CACNA2D2: variants seen among roughly 807,000 people sequenced by gnomAD.
CACNA2D2 encodes voltage-dependent calcium channel subunit alpha-2/delta-2.
A neutral mutation model predicts 166.4 loss-of-function variants in CACNA2D2; 48 were observed. That is an observed-to-expected ratio of 0.29 (90% CI 0.23 to 0.37). The LOEUF (loss-of-function observed/expected upper bound fraction) is 0.37, where lower values mean the gene tolerates loss of function less well. Ranked by LOEUF, CACNA2D2 falls within the 10% of genes least tolerant of loss-of-function variation. The pLI is 1.00. For synonymous variants in CACNA2D2, 561 were observed against 573.7 expected (o/e 0.98, Z 0.32); for missense variants, 1,122 against 1,433.0 (o/e 0.78, Z 3.50).
intron 21 of CACNA2D2, 58 bp from the exon 22 acceptor site, chr3:50,374,871 C>CT: frequency 7.2e-7 from 1 of 1,382,430 alleles, no homozygotes; most frequent in Non-Finnish European, 1.0e-6. Context: ...CTGGCACCCC[C>CT]TCCCCATGGC....
intron 1 of CACNA2D2, among the ~76,000 whole-genome samples, chr3:50,496,970 G>A (rs1051601229): frequency 1.3e-5 from 2 of 152,208 alleles, no homozygotes; most frequent in African/African-American, 2.4e-5. Context: ...TGTTGAATGA[G>A]GATCATTTCC....
In CACNA2D2 at chr3:50,375,859, CATCA is replaced by C. The variant is rs778151028; in HGVS notation, c.1791_1794del (p.Ile597MetfsTer21). The C allele has an allele frequency of 6.2e-7, 1 of 1,613,048 alleles. No homozygotes were observed. The highest frequency in any genetic ancestry group is 1.7e-5 in the Admixed American group (1 of 60,024). ...CTGATCTGCTTGTGGCCCTTGTTGC[CATCA>C]ATCATGCTCCGACGGATCTGGAAGG... is the stretch of plus-strand genomic sequence containing the variant. On this transcript the variant is annotated frameshift_variant, in exon 20 of 38. Transcript: ENST00000424201. LOFTEE classifies it high-confidence loss of function. The surrounding 1 kb of genome is among the most constrained non-coding windows in gnomAD (Gnocchi z 4.0).
intron 22 of CACNA2D2, among the ~76,000 whole-genome samples, chr3:50,374,395 G>A (rs1575595801): frequency 7.6e-6 from 1 of 131,612 alleles, no homozygotes; most frequent in Non-Finnish European, 1.7e-5. Flanking sequence ...GGTGGGGAGG[G>A]GAGGGGGAAG....
intron 22 of CACNA2D2, among the ~76,000 whole-genome samples, chr3:50,374,525 A>C (rs1271006724): frequency 6.6e-6 from 1 of 152,036 alleles, no homozygotes; most frequent in African/African-American, 2.4e-5. Flanking sequence ...AGAAACCATG[A>C]AAGAATGGTC....
chr3:50,468,627 T>C (rs1019651820), intron 2 of CACNA2D2, among the ~76,000 whole-genome samples: 1 of 151,968 alleles, frequency 6.6e-6, no homozygotes, highest in Non-Finnish European at 1.5e-5. Flanking sequence ...TTCCTTAAAC[T>C]GAGGGACAGA....
intron 13 of CACNA2D2, 37 bp downstream of exon 13, chr3:50,378,878 C>A: frequency 6.2e-7 from 1 of 1,611,180 alleles, no homozygotes; most frequent in African/African-American, 1.3e-5. Flanking sequence ...AAAGAAATGG[C>A]AGGCAGGCCC....
chr3:50,419,738 G>A (rs1165818545), intron 3 of CACNA2D2: 1 of 152,254 alleles, frequency 6.6e-6, no homozygotes, highest in Admixed American at 6.5e-5. Flanking sequence ...CCCATATCTG[G>A]CAGCGACACC....
At chr3:50,464,452 T>C (rs1293993160) in intron 2 of CACNA2D2, among the ~76,000 whole-genome samples, 11 of 152,144 alleles carry the variant, frequency 7.2e-5, no homozygotes, top group Non-Finnish European at 1.5e-5. Flanking sequence ...CCCCAGGAGC[T>C]GGTCTGAGTG....
chr3:50,472,511 T>G (rs1710140733), intron 2 of CACNA2D2, among the ~76,000 whole-genome samples: 1 of 152,120 alleles, frequency 6.6e-6, no homozygotes, highest in Non-Finnish European at 1.5e-5. Context: ...CTTCCCTCCT[T>G]CTATAGAGAT....
Position 50,366,552 on chromosome 3 carries a change from C to G in CACNA2D2, c.2637+26G>C. 6.2e-7 allele frequency: 1 copy of G among 1,613,006 alleles called. No homozygotes were observed. Among genetic ancestry groups the G allele is most frequent in the Non-Finnish European group, 8.5e-7 (1 of 1,179,112 alleles). On this transcript the variant is annotated intron_variant, in intron 30 of 37. Coordinates refer to ENST00000424201, the MANE Select transcript of CACNA2D2 (RefSeq NM_006030.4). The surrounding 1 kb of genome is among the most constrained non-coding windows in gnomAD (Gnocchi z 5.9). ...GTCTGGAAGTGGGGTAAGCTAGGGTCCAGGGTAGGTTCAGGGCACACACAC... is the reference window on the plus strand; with the variant it reads ...GTCTGGAAGTGGGGTAAGCTAGGGTGCAGGGTAGGTTCAGGGCACACACAC...
At chr3:50,418,277 C>T (rs1707364199) in intron 3 of CACNA2D2, among the ~76,000 whole-genome samples, 1 of 152,174 alleles carries the variant, frequency 6.6e-6, no homozygotes, top group Non-Finnish European at 1.5e-5. Flanking sequence ...CCCTGCCTTA[C>T]TCAAAGGGCT....
intron 3 of CACNA2D2, among the ~76,000 whole-genome samples, chr3:50,412,059 AGGCTCAGGGTGAGCCCATG>A (rs1202304784): frequency 2.0e-5 from 3 of 152,136 alleles, no homozygotes; most frequent in Admixed American, 2.0e-4. Context: ...GACTTCCAGG[AGGCTCAGGGTGAGCCCATG>A]GGCTCAGCTA....
intron 6 of CACNA2D2, among the ~76,000 whole-genome samples, chr3:50,383,772 C>T (rs1421383363): frequency 1.3e-5 from 2 of 152,284 alleles, no homozygotes; most frequent in African/African-American, 4.8e-5. Context: ...GTCCCCCTAC[C>T]CTCCGTGTCC....
intron 23 of CACNA2D2, 109 bp from the exon 24 acceptor site, chr3:50,368,344 C>T: frequency 5.5e-6 from 4 of 729,540 alleles, no homozygotes; most frequent in Non-Finnish European, 9.9e-6. Flanking sequence ...GCCTGGGCCT[C>T]AGGGAGGGGC....
Position 50,363,198 on chromosome 3 carries a change from A to G in CACNA2D2, c.*1468T>C. On this transcript the variant is annotated 3_prime_UTR_variant, in exon 38 of 38. Coordinates refer to ENST00000424201, the MANE Select transcript of CACNA2D2 (RefSeq NM_006030.4). ...TTACACGCACGCCCCCGAAGGACAC[A>G]GCTGGCATCCAGGCCGGGTGCACAT... 1 of 398,926 alleles carries G rather than the reference A, an allele frequency of 2.5e-6. No individual in the cohort carries two copies. The highest frequency in any genetic ancestry group is 3.6e-5 in the East Asian group (1 of 28,086). The allele number at this position is 398,926 out of a possible 1,614,324, so 24.7% of individuals were successfully genotyped here.
intron 1 of CACNA2D2, among the ~76,000 whole-genome samples, chr3:50,478,143 C>T (rs1024233527): frequency 6.6e-6 from 1 of 152,220 alleles, no homozygotes; most frequent in Non-Finnish European, 1.5e-5. Context: ...CGCTCCCCAC[C>T]ACAGGGGAAA....
At chr3:50,416,325 A>C (rs1283808306) in intron 3 of CACNA2D2, 4 of 152,460 alleles carry the variant, frequency 2.6e-5, no homozygotes, top group African/African-American at 4.8e-5. Flanking sequence ...CCCAGGAAGA[A>C]AGGAGGAGGG....
intron 3 of CACNA2D2, among the ~76,000 whole-genome samples, chr3:50,401,898 C>T (rs1706468925): frequency 6.6e-6 from 1 of 151,938 alleles, no homozygotes; most frequent in African/African-American, 2.4e-5. Flanking sequence ...CACCATGTGG[C>T]AACAGGGTTT....
At chr3:50,467,235 C>T (rs1709862620) in intron 2 of CACNA2D2, among the ~76,000 whole-genome samples, 1 of 152,198 alleles carries the variant, frequency 6.6e-6, no homozygotes, top group Non-Finnish European at 1.5e-5. Context: ...CTCTCCACTG[C>T]TGCTGGGCCC....
Sources: gnomAD v4.1 joint callset for allele counts (sites outside exome capture counted in the v4.1 genomes callset) on GRCh38, gnomAD v4.1.1 for gene constraint, Gnocchi (gnomAD v3.1) non-coding constraint, MANE v1.5 for transcripts, NCBI Gene and HGNC (gene_info 2026-07-23, HGNC 2026-07-21) for gene names.